Variants in PTPRN2 observed in about 807,000 individuals in gnomAD.
PTPRN2 encodes protein tyrosine phosphatase receptor type N2.
In PTPRN2, 74 loss-of-function variants were observed where a neutral mutation model predicts 118.8. The observed-to-expected ratio is 0.62, with a 90% CI of 0.52 to 0.76. The LOEUF is 0.76. Ranked by LOEUF, PTPRN2 falls within the 30% of genes least tolerant of loss-of-function variation. PTPRN2 has a pLI of 0.00. For missense variants in PTPRN2, 1,481 were observed against 1,394.4 expected, an observed-to-expected ratio of 1.06 and a Z score of -0.99; for synonymous variants, 641 against 608.0, an observed-to-expected ratio of 1.05 and a Z score of -0.80.
chr7:158,587,637 T>TAGCAGCAGC lies in PTPRN2; in HGVS notation c.24_32dup (p.Leu13_Leu15dup). Reference sequence around the variant, plus strand: ...GGACGCGTGGCGGCAGCAGCAGCAGTAGCAGCAGCAGCAGCGGGAGCGGCG... The same window carrying TAGCAGCAGC: ...GGACGCGTGGCGGCAGCAGCAGCAGTAGCAGCAGCAGCAGCAGCAGCAGCGGGAGCGGCG... On this transcript the variant is annotated inframe_insertion, in exon 1 of 23. Transcript: ENST00000389418. 7.3e-7 allele frequency: 1 copy of TAGCAGCAGC among 1,363,170 alleles called. No homozygotes were observed. The highest frequency in any genetic ancestry group is 9.4e-7 in the Non-Finnish European group (1 of 1,060,808). 84.4% of individuals were successfully genotyped at this position (1,363,170 alleles called of 1,614,324 possible).
intron 11 of PTPRN2, among the ~76,000 whole-genome samples, chr7:158,073,157 C>T (rs1812072747): frequency 6.6e-6 from 1 of 152,340 alleles, no homozygotes; most frequent in Admixed American, 6.5e-5. Context: ...GCACTCAGCA[C>T]CATCTTTGCA....
chr7:157,751,944 T>G (rs2150988573), intron 12 of PTPRN2, among the ~76,000 whole-genome samples: 1 of 152,070 alleles, frequency 6.6e-6, no homozygotes, highest in South Asian at 2.1e-4. Flanking sequence ...CATGGGACTT[T>G]GCAGCCAAGT....
chr7:158,155,451 CCATCATCACCAT>C (rs1563528544), intron 6 of PTPRN2, among the ~76,000 whole-genome samples: 2 of 151,908 alleles, frequency 1.3e-5, no homozygotes, highest in African/African-American at 4.8e-5. Context: ...ATCACCAACA[CCATCATCACCAT>C]CATCATCACC....
intron 3 of PTPRN2, among the ~76,000 whole-genome samples, chr7:158,296,632 C>T (rs898642797): frequency 3.9e-5 from 6 of 152,224 alleles, no homozygotes; most frequent in Non-Finnish European, 8.8e-5. Context: ...CCCCTAGACA[C>T]GGCCGTGGGG....
chr7:157,634,672 C>T (rs563041166), intron 14 of PTPRN2, among the ~76,000 whole-genome samples: 19 of 152,278 alleles, frequency 1.2e-4, no homozygotes, highest in African/African-American at 4.3e-4. Context: ...CCAGACCCCC[C>T]GGGCTCCAGT....
At chr7:158,391,406 G>A (rs1180427284) in intron 2 of PTPRN2, among the ~76,000 whole-genome samples, 1 of 152,190 alleles carries the variant, frequency 6.6e-6, no homozygotes, top group African/African-American at 2.4e-5. Context: ...ATACTCACAG[G>A]CCCATCTCTC....
At chr7:157,757,840 A>G (rs995729026) in intron 12 of PTPRN2, among the ~76,000 whole-genome samples, 1 of 152,198 alleles carries the variant, frequency 6.6e-6, no homozygotes, top group African/African-American at 2.4e-5. Flanking sequence ...CAGCTGCTGA[A>G]CTTAACCTGG....
At chr7:158,451,427 C>T (rs548035004) in intron 2 of PTPRN2, among the ~76,000 whole-genome samples, 16 of 152,144 alleles carry the variant, frequency 1.1e-4, no homozygotes, top group Non-Finnish European at 2.1e-4. Flanking sequence ...CCTTCCTCTC[C>T]GCCCTAAAGT....
chr7:157,650,771 A>C (rs1051373713), intron 14 of PTPRN2, among the ~76,000 whole-genome samples: 5 of 152,230 alleles, frequency 3.3e-5, no homozygotes, highest in African/African-American at 1.2e-4. Context: ...AGGGGACCCC[A>C]GCCCCTTTCT....
At chr7:158,105,672 G>A (rs1815626323) in intron 10 of PTPRN2, among the ~76,000 whole-genome samples, 1 of 151,180 alleles carries the variant, frequency 6.6e-6, no homozygotes, top group African/African-American at 2.4e-5. Context: ...AGACCATGGA[G>A]CTCCATCCAC....
chr7:157,976,459 G>GC (rs201329689), intron 11 of PTPRN2, among the ~76,000 whole-genome samples: 1,832 of 148,302 alleles, frequency 0.012, 47 homozygotes, highest in African/African-American at 0.038. Flanking sequence ...CCAGATGCAA[G>GC]CCCCCCCCAC....
At chr7:157,639,262 C>T (rs1804525385) in intron 14 of PTPRN2, among the ~76,000 whole-genome samples, 5 of 152,138 alleles carry the variant, frequency 3.3e-5, no homozygotes, top group Non-Finnish European at 7.3e-5. Flanking sequence ...TCTTGAACTC[C>T]TGACCTCAAG....
At chr7:157,996,068 G>A (rs987506339) in intron 11 of PTPRN2, among the ~76,000 whole-genome samples, 3 of 152,198 alleles carry the variant, frequency 2.0e-5, no homozygotes, top group Non-Finnish European at 4.4e-5. Context: ...ATGAAGTCCT[G>A]TCTTTTGCAC....
chr7:158,310,589 A>T (rs11760577), intron 3 of PTPRN2, among the ~76,000 whole-genome samples: 1 of 152,072 alleles, frequency 6.6e-6, no homozygotes, highest in Non-Finnish European at 1.5e-5. Flanking sequence ...GGAAGGAGCC[A>T]CTGGGCCTGC....
intron 11 of PTPRN2, among the ~76,000 whole-genome samples, chr7:157,979,912 C>T (rs914874090): frequency 2.0e-5 from 3 of 152,216 alleles, no homozygotes; most frequent in Non-Finnish European, 4.4e-5. Flanking sequence ...GACTGGGCAG[C>T]TGGGGGATCT....
At chr7:157,844,270 C>T (rs1036497972) in intron 12 of PTPRN2, among the ~76,000 whole-genome samples, 5 of 152,228 alleles carry the variant, frequency 3.3e-5, no homozygotes, top group Admixed American at 6.5e-5. Context: ...GAGACGGCCA[C>T]ACACTCTCTG....
chr7:158,074,386 G>A (rs1158033124), intron 11 of PTPRN2, among the ~76,000 whole-genome samples: 1 of 152,148 alleles, frequency 6.6e-6, no homozygotes, highest in Admixed American at 6.5e-5. Context: ...TTTCTAACAG[G>A]TCCTCTGGCC....
In PTPRN2 at chr7:158,525,110, C is replaced by A. The variant is rs1021730703; in HGVS notation, c.113-35325G>T. 5.3e-5 allele frequency among the ~76,000 whole-genome samples: 8 copies of A among 152,270 alleles called. No homozygotes were observed. The highest frequency in any genetic ancestry group is 3.4e-3 in the Middle Eastern group (1 of 294). ...TGAACCCTCAAGCTGGCCCTCCATGCGAAGAAATGCTGCGTCCCAGGCCCT... is the reference window on the plus strand; with the variant it reads ...TGAACCCTCAAGCTGGCCCTCCATGAGAAGAAATGCTGCGTCCCAGGCCCT... On this transcript the variant is annotated intron_variant, in intron 1 of 22. Transcript: ENST00000389418. The surrounding 1 kb of genome is among the most constrained non-coding windows in gnomAD (Gnocchi z 4.1).
Position 158,094,473 on chromosome 7 carries a change from C to A in PTPRN2, c.1644-13096G>T, listed in dbSNP as rs1814464397. Among the ~76,000 whole-genome samples the A allele has an allele frequency of 2.6e-5, 4 of 152,172 alleles. No homozygotes were observed. In the South Asian group the frequency reaches 8.3e-4, roughly 32 times the overall value. On this transcript the variant is annotated intron_variant, in intron 10 of 22. Coordinates refer to ENST00000389418, the MANE Select transcript of PTPRN2 (RefSeq NM_002847.5). ...TACAGGCACCTGCCACCATGCTCAG[C>A]TAATTTTTTTTTTAAAATAGAGATG...
Sources: gnomAD v4.1 joint callset for allele counts (sites outside exome capture counted in the v4.1 genomes callset) on GRCh38, gnomAD v4.1.1 for gene constraint, Gnocchi (gnomAD v3.1) non-coding constraint, MANE v1.5 for transcripts, NCBI Gene and HGNC (gene_info 2026-07-23, HGNC 2026-07-21) for gene names.